The following THSD7B variants were observed in gnomAD, a reference collection of about 807,000 sequenced individuals.
The protein encoded by THSD7B is thrombospondin type-1 domain-containing protein 7B.
THSD7B carries 138 observed loss-of-function variants against 213.6 expected under a neutral mutation model. The observed-to-expected ratio is 0.65, with a 90% CI of 0.56 to 0.74. The LOEUF (loss-of-function observed/expected upper bound fraction) is 0.74. Ranked by LOEUF, THSD7B falls within the 30% of genes least tolerant of loss-of-function variation. The pLI, the probability that THSD7B is intolerant of heterozygous loss-of-function variation, is 0.00. For synonymous variants in THSD7B, 742 were observed against 687.0 expected, an observed-to-expected ratio of 1.08 and a Z score of -1.25; for missense variants, 1,931 against 1,991.5, an observed-to-expected ratio of 0.97 and a Z score of 0.58.
intron 26 of THSD7B, among the ~76,000 whole-genome samples, chr2:137,666,795 T>C (rs530925926): frequency 6.6e-6 from 1 of 152,222 alleles, no homozygotes; most frequent in South Asian, 2.1e-4. Flanking sequence ...AAAAAGCATA[T>C]ATATATTTGT....
At chr2:137,405,587 A>T (rs1052153730) in intron 12 of THSD7B, 26 bp from the exon 13 acceptor site, 4 of 1,566,202 alleles carry the variant, frequency 2.6e-6, no homozygotes, top group Non-Finnish European at 2.6e-6. Context: ...CAAAATAATA[A>T]CAAAAGAATT....
At chr2:137,101,602 C>T (rs1238755988) in intron 4 of THSD7B, among the ~76,000 whole-genome samples, 1 of 152,104 alleles carries the variant, frequency 6.6e-6, no homozygotes, top group African/African-American at 2.4e-5. Flanking sequence ...CTCAGCGGAT[C>T]CCACCCCTAT....
chr2:137,327,218 G>A (rs1203419233), intron 12 of THSD7B, among the ~76,000 whole-genome samples: 1 of 152,162 alleles, frequency 6.6e-6, no homozygotes, highest in Non-Finnish European at 1.5e-5. Context: ...TGAGTGTCTG[G>A]TAAGCCTAGG....
chr2:137,181,268 T>C (rs1680449111), intron 7 of THSD7B, among the ~76,000 whole-genome samples: 1 of 152,178 alleles, frequency 6.6e-6, no homozygotes. Flanking sequence ...TTTCACTCCT[T>C]CATCGTAGAG....
At chr2:137,315,637 T>C (rs1272046650) in intron 12 of THSD7B, among the ~76,000 whole-genome samples, 4 of 152,198 alleles carry the variant, frequency 2.6e-5, no homozygotes, top group South Asian at 2.1e-4. Context: ...CCCCTCTATC[T>C]CTAGATTATA....
intron 1 of THSD7B, among the ~76,000 whole-genome samples, chr2:136,814,866 G>T (rs570282117): frequency 2.0e-5 from 3 of 152,134 alleles, no homozygotes. Flanking sequence ...TTTTGTATGG[G>T]TCTCAAGATG....
chr2:137,313,330 C>T lies in THSD7B; in HGVS notation c.2500+37304C>T, dbSNP rs548281931. 9.5e-3 allele frequency among the ~76,000 whole-genome samples: 1,450 copies of T among 151,960 alleles called. 24 individuals are homozygous for T. Among genetic ancestry groups the T allele is most frequent in the African/African-American group, 0.033 (1,379 of 41,400 alleles). ...TTTTATCAGAGATGAGGATTGCAAC[C>T]CCTGCCTTTTTTTGTTTTCCATTTG... On this transcript the variant is annotated intron_variant, in intron 12 of 27. Transcript: ENST00000409968.
chr2:136,974,352 C>G (rs13416164), intron 2 of THSD7B, among the ~76,000 whole-genome samples: 1 of 151,528 alleles, frequency 6.6e-6, no homozygotes. Context: ...CTCCCCTGAA[C>G]CCCCCGCCCC....
intron 1 of THSD7B, among the ~76,000 whole-genome samples, chr2:136,817,093 G>C (rs1269914126): frequency 6.6e-6 from 1 of 152,094 alleles, no homozygotes; most frequent in Non-Finnish European, 1.5e-5. Context: ...TCTTACCTGA[G>C]CCGAAAAACA....
intron 5 of THSD7B, among the ~76,000 whole-genome samples, chr2:137,121,721 C>G (rs10189518): frequency 0.02 from 2,995 of 152,282 alleles, 105 homozygotes; most frequent in African/African-American, 0.067. Flanking sequence ...TGACATTCTT[C>G]TTTGTATTCC....
intron 7 of THSD7B, among the ~76,000 whole-genome samples, chr2:137,222,685 A>G (rs1240203804): frequency 6.6e-6 from 1 of 152,222 alleles, no homozygotes; most frequent in Non-Finnish European, 1.5e-5. Flanking sequence ...AGTTAGTGCC[A>G]CAAAATGGAG....
intron 2 of THSD7B, among the ~76,000 whole-genome samples, chr2:136,970,353 C>G: frequency 6.6e-6 from 1 of 152,084 alleles, no homozygotes; most frequent in Admixed American, 6.6e-5. Context: ...GGTCCTCCTG[C>G]TCCTTGGGAG....
At chr2:137,592,984 A>G (rs1681893713) in intron 17 of THSD7B, among the ~76,000 whole-genome samples, 1 of 151,906 alleles carries the variant, frequency 6.6e-6, no homozygotes, top group Non-Finnish European at 1.5e-5. Context: ...GCTCAACATT[A>G]TGTCTTGAAT....
chr2:137,100,109 C>CG (rs1553470739), intron 4 of THSD7B, among the ~76,000 whole-genome samples: 1 of 151,936 alleles, frequency 6.6e-6, no homozygotes, highest in African/African-American at 2.4e-5. Context: ...TCTAGACATC[C>CG]TTTTTTCTTG....
chr2:137,470,877 C>T (rs1688078034), intron 15 of THSD7B, among the ~76,000 whole-genome samples: 1 of 151,454 alleles, frequency 6.6e-6, no homozygotes, highest in Non-Finnish European at 1.5e-5. Flanking sequence ...CTCCCTCTTC[C>T]ACCAGCCCTT....
intron 3 of THSD7B, among the ~76,000 whole-genome samples, chr2:137,074,947 A>G (rs1328499067): frequency 6.6e-6 from 1 of 152,210 alleles, no homozygotes; most frequent in Non-Finnish European, 1.5e-5. Context: ...GTTTCTGCCG[A>G]GATATCAGCT....
intron 20 of THSD7B, among the ~76,000 whole-genome samples, chr2:137,629,810 G>A (rs1682705895): frequency 6.6e-6 from 1 of 152,122 alleles, no homozygotes; most frequent in Non-Finnish European, 1.5e-5. Flanking sequence ...GGTCTAGTAG[G>A]ATAATATTTG....
At chr2:137,644,439 T>G (rs1022476320) in intron 21 of THSD7B, among the ~76,000 whole-genome samples, 10 of 152,156 alleles carry the variant, frequency 6.6e-5, no homozygotes, top group African/African-American at 2.4e-4. Context: ...ACCTTATAGA[T>G]GAAGTCAGTC....
intron 13 of THSD7B, among the ~76,000 whole-genome samples, chr2:137,408,777 C>T (rs1018125188): frequency 1.4e-4 from 21 of 152,178 alleles, no homozygotes; most frequent in African/African-American, 5.1e-4. Flanking sequence ...ATGTTCCCCT[C>T]CCTCCGTCTT....
Sources: gnomAD v4.1 joint callset for allele counts (sites outside exome capture counted in the v4.1 genomes callset) on GRCh38, gnomAD v4.1.1 for gene constraint, MANE v1.5 for transcripts, NCBI Gene and HGNC (gene_info 2026-07-23, HGNC 2026-07-21) for gene names.